The following FSTL4 variants were observed in gnomAD, a reference collection of about 807,000 sequenced individuals.
FSTL4 encodes follistatin like 4, also known as follistatin-related protein 4.
A neutral mutation model predicts 78.2 loss-of-function variants in FSTL4; 28 were observed. That is an observed-to-expected ratio of 0.36 (90% CI 0.27 to 0.49). The LOEUF is 0.49. Among genes scored for constraint, FSTL4 ranks in the 20% least tolerant of loss-of-function variants. The probability of loss-of-function intolerance (pLI) is 0.98; values close to 1 mark genes in which losing one functional copy is unlikely to be tolerated. For missense variants in FSTL4, 922 were observed against 1,084.9 expected (o/e 0.85, Z 2.11); for synonymous variants, 422 against 440.5 (o/e 0.96, Z 0.53).
At position 133,494,084 on chromosome 5, in the gene FSTL4, A is replaced by T. The variant is rs57146031; in HGVS notation, c.160+73102T>A. 5.0e-3 allele frequency among the ~76,000 whole-genome samples: 755 copies of T among 152,320 alleles called. 4 individuals carry two copies. The highest frequency in any genetic ancestry group is 0.018 in the African/African-American group (732 of 41,562). On this transcript the variant is annotated intron_variant, in intron 3 of 15. Coordinates refer to ENST00000265342, the MANE Select transcript of FSTL4 (RefSeq NM_015082.2). ...TTTTAAGCACTTTAGCCATACTAAG[A>T]TATCTGGTTCCTATGACAGCCCTGT...
the FSTL4 span, among the ~76,000 whole-genome samples, chr5:133,745,615 G>T: frequency 6.6e-6 from 1 of 152,218 alleles, no homozygotes; most frequent in Non-Finnish European, 1.5e-5. Flanking sequence ...ATTATACAGG[G>T]ATTCCAGGTT....
the FSTL4 span, among the ~76,000 whole-genome samples, chr5:133,627,319 G>A: frequency 2.0e-5 from 3 of 152,060 alleles, no homozygotes; most frequent in South Asian, 6.2e-4. Context: ...AAGAGCAAAG[G>A]ATGTCTTACA....
intron 3 of FSTL4, among the ~76,000 whole-genome samples, chr5:133,458,964 ACCCCAGCT>A (rs1157329931): frequency 6.6e-6 from 1 of 151,888 alleles, no homozygotes; most frequent in Non-Finnish European, 1.5e-5. Flanking sequence ...GACATTAGAC[ACCCCAGCT>A]CCCATGGCCT....
At chr5:133,524,479 C>T (rs1423557020) in intron 3 of FSTL4, among the ~76,000 whole-genome samples, 1 of 152,158 alleles carries the variant, frequency 6.6e-6, no homozygotes, top group Non-Finnish European at 1.5e-5. Context: ...AGGGAATACA[C>T]ACCATTTGCC....
chr5:133,561,123 T>A (rs1759904528), intron 3 of FSTL4, among the ~76,000 whole-genome samples: 1 of 147,396 alleles, frequency 6.8e-6, no homozygotes, highest in Non-Finnish European at 1.5e-5. Context: ...ATAATAATAA[T>A]AATAATAATA....
chr5:133,579,981 C>T (rs1760366626), intron 2 of FSTL4, among the ~76,000 whole-genome samples: 1 of 152,126 alleles, frequency 6.6e-6, no homozygotes, highest in Non-Finnish European at 1.5e-5. Flanking sequence ...GGACTGGGTG[C>T]AAGTGGCGTC....
At chr5:133,696,704 C>A in the FSTL4 span, among the ~76,000 whole-genome samples, 1 of 152,246 alleles carries the variant, frequency 6.6e-6, no homozygotes, top group Admixed American at 6.5e-5. Context: ...TCCAGTTCAT[C>A]TGGATTAGGC....
the FSTL4 span, among the ~76,000 whole-genome samples, chr5:133,837,111 C>T: frequency 2.6e-5 from 4 of 151,998 alleles, no homozygotes; most frequent in Admixed American, 2.0e-4. Flanking sequence ...AAGCTCTTTC[C>T]TGTATTTCCT....
the FSTL4 span, among the ~76,000 whole-genome samples, chr5:133,712,677 C>A: frequency 6.6e-6 from 1 of 152,228 alleles, no homozygotes; most frequent in African/African-American, 2.4e-5. Flanking sequence ...GTTACAAACC[C>A]AAGCTGAGGC....
chr5:133,440,197 G>A lies in FSTL4; in HGVS notation c.161-39211C>T, dbSNP rs1164252348. On this transcript the variant is annotated intron_variant, in intron 3 of 15. Coordinates refer to ENST00000265342, the MANE Select transcript of FSTL4 (RefSeq NM_015082.2). The surrounding 1 kb of genome is among the most constrained non-coding windows in gnomAD (Gnocchi z 4.1). ...ACACCCATTCACTGAATAATTTCTG[G>A]GCGCTGTGGAGGGAGAGGGCCTCAG... Among the ~76,000 whole-genome samples, 1 of 152,148 alleles carries A rather than the reference G, an allele frequency of 6.6e-6. No individual in the cohort carries two copies. The highest frequency in any genetic ancestry group is 2.4e-5 in the African/African-American group (1 of 41,430).
intron 3 of FSTL4, among the ~76,000 whole-genome samples, chr5:133,418,067 GAA>G (rs1267037658): frequency 6.7e-6 from 1 of 149,126 alleles, no homozygotes; most frequent in African/African-American, 2.5e-5. Flanking sequence ...AAAGAAAAAG[GAA>G]AGAGTGTACC....
At chr5:133,214,536 G>A (rs1179352122) in intron 13 of FSTL4, among the ~76,000 whole-genome samples, 2 of 152,182 alleles carry the variant, frequency 1.3e-5, no homozygotes, top group African/African-American at 2.4e-5. Context: ...TTGCCCAGCA[G>A]TCCTATCAGA....
At chr5:133,262,970 G>C (rs1752567690) in intron 6 of FSTL4, among the ~76,000 whole-genome samples, 1 of 152,138 alleles carries the variant, frequency 6.6e-6, no homozygotes, top group African/African-American at 2.4e-5. Flanking sequence ...CTGCCACCCA[G>C]GCATGGCGCT....
chr5:133,738,980 T>G, the FSTL4 span, among the ~76,000 whole-genome samples: 76 of 152,248 alleles, frequency 5.0e-4, 1 homozygote, highest in Admixed American at 4.4e-3. Context: ...AGGTTGCTGC[T>G]GTGGGCCTTA....
the FSTL4 span, among the ~76,000 whole-genome samples, chr5:133,679,498 C>T: frequency 6.6e-6 from 1 of 152,096 alleles, no homozygotes. Context: ...TTCCTAGGAA[C>T]CTGGGTACCC....
intron 6 of FSTL4, among the ~76,000 whole-genome samples, chr5:133,269,392 G>C (rs1038837195): frequency 6.6e-6 from 1 of 152,212 alleles, no homozygotes; most frequent in Non-Finnish European, 1.5e-5. Flanking sequence ...TGAGGCGTGA[G>C]ACGGGGGATA....
the FSTL4 span, among the ~76,000 whole-genome samples, chr5:133,682,316 C>T: frequency 1.3e-5 from 2 of 152,198 alleles, no homozygotes; most frequent in South Asian, 4.1e-4. Flanking sequence ...ATTCCCAATC[C>T]CCCTAGTCTG....
intron 6 of FSTL4, among the ~76,000 whole-genome samples, chr5:133,300,284 C>T (rs1307563605): frequency 6.6e-6 from 1 of 152,234 alleles, no homozygotes; most frequent in Non-Finnish European, 1.5e-5. Flanking sequence ...CAAGTCTGCT[C>T]TTTCACTCAG....
chr5:133,711,357 C>G, the FSTL4 span, among the ~76,000 whole-genome samples: 1 of 152,148 alleles, frequency 6.6e-6, no homozygotes, highest in Non-Finnish European at 1.5e-5. Context: ...GACTCAGGAG[C>G]CTGCAGTACA....
Sources: allele counts gnomAD v4.1 joint callset (sites outside exome capture counted in the v4.1 genomes callset), GRCh38; gene constraint gnomAD v4.1.1; non-coding constraint Gnocchi (gnomAD v3.1); transcripts MANE v1.5; gene names NCBI Gene and HGNC (gene_info 2026-07-23, HGNC 2026-07-21).